Variants in PTPRJ observed in about 807,000 individuals in gnomAD.
PTPRJ encodes receptor-type tyrosine-protein phosphatase eta.
In PTPRJ, 129 loss-of-function variants were observed where a neutral mutation model predicts 141.3. The observed-to-expected ratio is 0.91, with a 90% CI of 0.79 to 1.06. The LOEUF (loss-of-function observed/expected upper bound fraction) is 1.06, where lower values mean the gene tolerates loss of function less well. Among genes scored for constraint, PTPRJ ranks in the 50% least tolerant of loss-of-function variants. The pLI, the probability that PTPRJ is intolerant of heterozygous loss-of-function variation, is 0.00. For missense variants in PTPRJ, 1,601 were observed against 1,679.7 expected (o/e 0.95, Z 0.82); for synonymous variants, 610 against 640.5 (o/e 0.95, Z 0.72).
intron 1 of PTPRJ, among the ~76,000 whole-genome samples, chr11:48,078,354 G>A (rs577250953): frequency 1.3e-5 from 2 of 152,106 alleles, no homozygotes; most frequent in African/African-American, 2.4e-5. Context: ...CACCGTGCCC[G>A]GCCTGATGGA....
intron 19 of PTPRJ, among the ~76,000 whole-genome samples, chr11:48,155,467 A>G (rs985395945): frequency 2.0e-5 from 3 of 152,204 alleles, no homozygotes. Flanking sequence ...CATGGTAGAC[A>G]CCTGAGGATG....
At chr11:48,123,996 A>T (rs1168125511) in intron 5 of PTPRJ, 126 bp downstream of exon 5, 1 of 1,163,380 alleles carries the variant, frequency 8.6e-7, no homozygotes, top group African/African-American at 1.6e-5. Context: ...CTTTTCCTCC[A>T]CATTTTAGTT....
chr11:48,125,247 T>C, intron 6 of PTPRJ, 61 bp downstream of exon 6: 1 of 1,547,564 alleles, frequency 6.5e-7, no homozygotes, highest in Non-Finnish European at 8.9e-7. Context: ...TTCTGTCTCC[T>C]GTGATTCTGA....
At chr11:48,101,863 T>C (rs2134313911) in intron 1 of PTPRJ, among the ~76,000 whole-genome samples, 1 of 152,294 alleles carries the variant, frequency 6.6e-6, no homozygotes, top group South Asian at 2.1e-4. Flanking sequence ...AACTCTCTGC[T>C]CTTTTTTGGG....
intron 1 of PTPRJ, among the ~76,000 whole-genome samples, chr11:48,069,699 C>G (rs928216559): frequency 1.3e-5 from 2 of 152,140 alleles, no homozygotes; most frequent in African/African-American, 4.8e-5. Flanking sequence ...GATCCGCCCA[C>G]CTCAGCCTCC....
intron 1 of PTPRJ, among the ~76,000 whole-genome samples, chr11:48,063,189 G>A (rs992842352): frequency 6.6e-6 from 1 of 152,122 alleles, no homozygotes; most frequent in Non-Finnish European, 1.5e-5. Flanking sequence ...TTAGCTGGGC[G>A]TGGTGGCACA....
intron 1 of PTPRJ, among the ~76,000 whole-genome samples, chr11:48,041,190 C>CG (rs1435446229): frequency 6.6e-6 from 1 of 151,958 alleles, no homozygotes; most frequent in Non-Finnish European, 1.5e-5. Flanking sequence ...AGGCATCATG[C>CG]GTTCTTCATT....
At chr11:48,106,459 A>G (rs1426503689) in intron 1 of PTPRJ, among the ~76,000 whole-genome samples, 1 of 152,224 alleles carries the variant, frequency 6.6e-6, no homozygotes, top group Non-Finnish European at 1.5e-5. Context: ...ACAGTACAGA[A>G]GCGGGGAAGT....
rs368307237 is a variant in PTPRJ, at chr11:48,136,046, T to C, written c.1623T>C (p.Ser541=). 1 of 1,613,904 alleles carries C rather than the reference T, an allele frequency of 6.2e-7. No homozygotes were observed. The highest frequency in any genetic ancestry group is 8.5e-7 in the Non-Finnish European group (1 of 1,179,874). ...TTCCTTTCTTCTGAGCAGTTCCCAG[T>C]GCAGTGTTTGACATCCACGTGGTCT... is the stretch of plus-strand genomic sequence containing the variant. ...SRTVCNRTVP[S]AVFDIHVVYV... The change falls in exon 9 of 25, where the codon AGT becomes AGC. Residue 541 remains serine, a synonymous_variant. Coordinates refer to ENST00000418331, the MANE Select transcript of PTPRJ (RefSeq NM_002843.4).
chr11:48,087,002 G>GTAC (rs1029820203), intron 1 of PTPRJ, among the ~76,000 whole-genome samples: 3 of 152,002 alleles, frequency 2.0e-5, no homozygotes, highest in Non-Finnish European at 2.9e-5. Context: ...TGACTCAATA[G>GTAC]TAATAATAAT....
At chr11:48,047,416 C>T (rs1249237844) in intron 1 of PTPRJ, among the ~76,000 whole-genome samples, 1 of 152,074 alleles carries the variant, frequency 6.6e-6, no homozygotes, top group East Asian at 1.9e-4. Context: ...CTGCCTGCTG[C>T]AGGGGTCTCC....
chr11:48,066,234 A>G (rs930299004), intron 1 of PTPRJ, among the ~76,000 whole-genome samples: 7 of 152,162 alleles, frequency 4.6e-5, no homozygotes, highest in African/African-American at 1.2e-4. Context: ...AAAAGTGAGA[A>G]TCCCCACTCC....
chr11:48,032,155 T>C (rs1341133021), intron 1 of PTPRJ, among the ~76,000 whole-genome samples: 1 of 152,148 alleles, frequency 6.6e-6, no homozygotes, highest in Non-Finnish European at 1.5e-5. Flanking sequence ...GGTGACTCAG[T>C]TCTCAGTGTG....
At chr11:48,162,938 C>T (rs981001957) in intron 22 of PTPRJ, among the ~76,000 whole-genome samples, 1 of 152,186 alleles carries the variant, frequency 6.6e-6, no homozygotes, top group African/African-American at 2.4e-5. Context: ...TGGCCTGTCA[C>T]TTTATTCACT....
chr11:48,014,453 C>G (rs1249211742), intron 1 of PTPRJ: 1 of 152,136 alleles, frequency 6.6e-6, no homozygotes, highest in African/African-American at 2.4e-5. Context: ...TTTTTAGGAA[C>G]CTGCTGTAGG....
intron 1 of PTPRJ, among the ~76,000 whole-genome samples, chr11:48,026,873 C>T (rs974629091): frequency 9.9e-5 from 15 of 151,918 alleles, no homozygotes; most frequent in South Asian, 2.1e-4. Context: ...TCTGAGTCCC[C>T]GAAGTCCACT....
intron 1 of PTPRJ, among the ~76,000 whole-genome samples, chr11:48,059,867 C>A (rs952269211): frequency 6.6e-6 from 1 of 152,200 alleles, no homozygotes; most frequent in Non-Finnish European, 1.5e-5. Context: ...GTCTTGGCTT[C>A]AAGAATCTGT....
chr11:48,005,207 G>C (rs1854591437), intron 1 of PTPRJ, among the ~76,000 whole-genome samples: 1 of 151,550 alleles, frequency 6.6e-6, no homozygotes, highest in South Asian at 2.1e-4. Context: ...GGACGACAGA[G>C]TGAGACTCTA....
chr11:48,008,947 G>A (rs1170126762), intron 1 of PTPRJ, among the ~76,000 whole-genome samples: 1 of 152,184 alleles, frequency 6.6e-6, no homozygotes, highest in Non-Finnish European at 1.5e-5. Flanking sequence ...ACTGGGGGGT[G>A]GGTTGGGAAA....
Sources: gnomAD v4.1 joint callset for allele counts (sites outside exome capture counted in the v4.1 genomes callset) on GRCh38, gnomAD v4.1.1 for gene constraint, MANE v1.5 for transcripts, NCBI Gene and HGNC (gene_info 2026-07-23, HGNC 2026-07-21) for gene names.